Variants in CLVS1 observed in about 807,000 individuals in gnomAD.
CLVS1 encodes the protein clavesin 1.
Under a neutral mutation model 33.1 loss-of-function variants are expected in CLVS1, and 10 were observed. That is an observed-to-expected ratio of 0.30 (90% confidence interval 0.19 to 0.51). The LOEUF is 0.51. CLVS1 is among the 20% of genes least tolerant of loss of function. The pLI is 0.97. For missense variants in CLVS1, 343 were observed against 433.4 expected, an observed-to-expected ratio of 0.79 and a Z score of 1.85; for synonymous variants, 163 against 166.1, an observed-to-expected ratio of 0.98 and a Z score of 0.14.
intron 1 of CLVS1, among the ~76,000 whole-genome samples, chr8:61,128,973 T>A (rs1806033665): frequency 6.6e-6 from 1 of 152,360 alleles, no homozygotes; most frequent in South Asian, 2.1e-4. Flanking sequence ...GAATTCTTAA[T>A]GCTTTAGTGA....
intron 1 of CLVS1, among the ~76,000 whole-genome samples, chr8:61,092,142 G>A (rs1347397060): frequency 6.6e-6 from 1 of 152,152 alleles, no homozygotes; most frequent in African/African-American, 2.4e-5. Flanking sequence ...TTTAGACATG[G>A]TAATATCTAT....
At chr8:61,256,297 G>A (rs184706399) in intron 2 of CLVS1, among the ~76,000 whole-genome samples, 95 of 152,294 alleles carry the variant, frequency 6.2e-4, no homozygotes, top group African/African-American at 2.2e-3. Flanking sequence ...GGCAGATCAC[G>A]ATGTCAGGAG....
chr8:61,413,983 T>C (rs1815333353), intron 3 of CLVS1, among the ~76,000 whole-genome samples: 1 of 152,246 alleles, frequency 6.6e-6, no homozygotes, highest in Admixed American at 6.5e-5. Flanking sequence ...GAACTGCATT[T>C]CTAGTTTCAG....
At chr8:61,139,198 G>A (rs1752360429) in intron 2 of CLVS1, among the ~76,000 whole-genome samples, 1 of 151,944 alleles carries the variant, frequency 6.6e-6, no homozygotes, top group Non-Finnish European at 1.5e-5. Context: ...CGGTGGCGCC[G>A]GCTGCCAGCA....
intron 2 of CLVS1, among the ~76,000 whole-genome samples, chr8:61,326,764 T>C (rs970606079): frequency 6.6e-6 from 1 of 152,174 alleles, no homozygotes; most frequent in Non-Finnish European, 1.5e-5. Flanking sequence ...TCGATATTTA[T>C]TGAAGTGAAG....
At chr8:61,037,884 G>A in the CLVS1 span, among the ~76,000 whole-genome samples, 1 of 152,196 alleles carries the variant, frequency 6.6e-6, no homozygotes, top group African/African-American at 2.4e-5. Flanking sequence ...AGGACGCACT[G>A]AGAGAGCTCT....
intron 3 of CLVS1, among the ~76,000 whole-genome samples, chr8:61,382,725 C>A (rs533378304): frequency 5.8e-4 from 89 of 152,264 alleles, no homozygotes; most frequent in Non-Finnish European, 8.5e-4. Context: ...TAGAGCAGAG[C>A]CCAAGAATTT....
chr8:61,167,741 A>C (rs2129297939), intron 2 of CLVS1, among the ~76,000 whole-genome samples: 1 of 152,302 alleles, frequency 6.6e-6, no homozygotes, highest in South Asian at 2.1e-4. Context: ...CTTGCTGATA[A>C]AACAGGTTGT....
intron 5 of CLVS1, among the ~76,000 whole-genome samples, chr8:61,477,935 TA>T (rs1307354858): frequency 6.6e-6 from 1 of 152,244 alleles, no homozygotes; most frequent in Non-Finnish European, 1.5e-5. Context: ...TGTGGGCATT[TA>T]GTGCTATAAA....
At chr8:61,411,054 C>T (rs541086619) in intron 3 of CLVS1, among the ~76,000 whole-genome samples, 2 of 152,246 alleles carry the variant, frequency 1.3e-5, no homozygotes, top group Admixed American at 6.5e-5. Context: ...TTTAAAGCTT[C>T]CACATGTGGG....
intron 2 of CLVS1, among the ~76,000 whole-genome samples, chr8:61,252,956 T>C (rs542352083): frequency 6.6e-6 from 1 of 152,218 alleles, no homozygotes; most frequent in Non-Finnish European, 1.5e-5. Context: ...AATTTGATCC[T>C]GTCATTTTGA....
intron 2 of CLVS1, among the ~76,000 whole-genome samples, chr8:61,264,169 C>T (rs1239092166): frequency 6.6e-6 from 1 of 152,014 alleles, no homozygotes; most frequent in East Asian, 1.9e-4. Flanking sequence ...TAGCTGGTTG[C>T]AGATCTTGTC....
chr8:61,220,448 T>C (rs1453800145), intron 2 of CLVS1, among the ~76,000 whole-genome samples: 1 of 152,194 alleles, frequency 6.6e-6, no homozygotes, highest in Admixed American at 6.5e-5. Context: ...TTGTTAGGAT[T>C]GTTGAAGATC....
chr8:60,998,804 T>A, the CLVS1 span, among the ~76,000 whole-genome samples: 1 of 152,322 alleles, frequency 6.6e-6, no homozygotes, highest in Non-Finnish European at 1.5e-5. Flanking sequence ...TTGCTGAGCA[T>A]CTCACCCAGT....
chr8:61,317,931 AG>A (rs1180428649), intron 2 of CLVS1, among the ~76,000 whole-genome samples: 2 of 152,124 alleles, frequency 1.3e-5, no homozygotes, highest in African/African-American at 4.8e-5. Flanking sequence ...AAATTTATCA[AG>A]GTGTTTTACC....
intron 2 of CLVS1, among the ~76,000 whole-genome samples, chr8:61,181,640 A>G (rs994511695): frequency 1.3e-4 from 19 of 151,440 alleles, no homozygotes; most frequent in Non-Finnish European, 2.2e-4. Flanking sequence ...AGACATATAG[A>G]GCAATGGACA....
chr8:61,234,564 C>T (rs906825230), intron 2 of CLVS1, among the ~76,000 whole-genome samples: 8 of 152,246 alleles, frequency 5.3e-5, no homozygotes, highest in Middle Eastern at 3.4e-3. Flanking sequence ...GCTTTCTACA[C>T]GCTATCCCGT....
intron 1 of CLVS1, among the ~76,000 whole-genome samples, chr8:61,098,754 C>T (rs554116092): frequency 6.6e-6 from 1 of 152,088 alleles, no homozygotes; most frequent in Non-Finnish European, 1.5e-5. Flanking sequence ...ATATCCACCC[C>T]CAGTCTGCCT....
At chr8:60,977,391 C>T in the CLVS1 span, among the ~76,000 whole-genome samples, 5 of 152,154 alleles carry the variant, frequency 3.3e-5, no homozygotes, top group South Asian at 2.1e-4. Flanking sequence ...GACAGTAAAT[C>T]GACAGTCTTA....
Sources: gnomAD v4.1 joint callset for allele counts (sites outside exome capture counted in the v4.1 genomes callset) on GRCh38, gnomAD v4.1.1 for gene constraint, MANE v1.5 for transcripts, NCBI Gene and HGNC (gene_info 2026-07-23, HGNC 2026-07-21) for gene names.